PRSS2: variants seen among roughly 807,000 people sequenced by gnomAD.
PRSS2 encodes the protein trypsin-2.
PRSS2 carries 19 observed loss-of-function variants against 19.2 expected under a neutral mutation model. The observed-to-expected ratio is 0.99, with a 90% confidence interval of 0.69 to 1.45. The LOEUF (loss-of-function observed/expected upper bound fraction) is 1.45, where lower values mean the gene tolerates loss of function less well. Among genes scored for constraint, PRSS2 ranks in the 40% most tolerant of loss-of-function variants. The pLI is 0.00. For missense variants in PRSS2, 288 were observed against 294.4 expected (o/e 0.98, Z 0.16); for synonymous variants, 107 against 117.5 (o/e 0.91, Z 0.58).
chr7:142,773,774 TA>T, intron 3 of PRSS2, 144 bp from the exon 4 acceptor site: 1 of 1,312,526 alleles, frequency 7.6e-7, no homozygotes, highest in Non-Finnish European at 1.1e-6. Context: ...TTCTGGGAAC[TA>T]AAAGCCAGAG....
chr7:142,771,838 C>A (rs796655547), intron 1 of PRSS2, among the ~76,000 whole-genome samples: 728 of 67,782 alleles, frequency 0.011, no homozygotes, highest in African/African-American at 0.017. Flanking sequence ...GAGATCTGAA[C>A]CCCCACAGGG....
At position 142,771,038 on chromosome 7, in the gene PRSS2, T is replaced by G; in HGVS notation, c.40+16T>G. 1 of 540,908 alleles carries G rather than the reference T, an allele frequency of 1.8e-6. No homozygotes were observed. Among genetic ancestry groups the G allele is most frequent in the Non-Finnish European group, 3.3e-6 (1 of 299,386 alleles). The allele number at this position is 540,908 out of a possible 1,614,324, so 33.5% of individuals were successfully genotyped here. A position where few individuals can be genotyped will look rare whatever the true frequency, so the allele number is the denominator to read the frequency against. On this transcript the variant is annotated intron_variant, in intron 1 of 4. Transcript: ENST00000539842. ...GCAGCTGCTGGTGAGTTTCACGCCC[T>G]GCCTCAGGCCTCAACCAACCCTTCC...
At chr7:142,774,328 C>T in intron 4 of PRSS2, 28 bp from the exon 5 acceptor site, 1 of 1,154,960 alleles carries the variant, frequency 8.7e-7, no homozygotes, top group Non-Finnish European at 1.3e-6. Context: ...TCTCTCTCTT[C>T]ATACAACTTG....
Position 142,774,021 on chromosome 7 carries a change from T to C in PRSS2, c.557T>C (p.Val186Ala), listed in dbSNP as rs775507176. 1 of 1,604,568 alleles carries C rather than the reference T, an allele frequency of 6.2e-7. No homozygotes were observed. Among genetic ancestry groups the C allele is most frequent in the Non-Finnish European group, 8.5e-7 (1 of 1,171,340 alleles). Residue 186 changes from valine to alanine, a missense_variant, in exon 4 of 5, where the codon GTG becomes GCG. By Grantham distance (64) the Val-to-Ala change is moderately conservative. Coordinates refer to ENST00000539842, the MANE Select transcript of PRSS2 (RefSeq NM_002770.4). ...AAGATTACCAACAACATGTTCTGTG[T>C]GGGCTTCCTCGAGGGAGGCAAGGAT... Reference protein sequence around the residue: ...PGKITNNMFCVGFLEGGKDSC... With the variant: ...PGKITNNMFCAGFLEGGKDSC...
Position 142,774,389 on chromosome 7 carries a change from G to A in PRSS2, c.625G>A (p.Glu209Lys). 4 of 1,354,994 alleles carry A rather than the reference G, an allele frequency of 3.0e-6. No homozygotes were observed. Among genetic ancestry groups the A allele is most frequent in the Middle Eastern group, 1.8e-4 (1 of 5,434 alleles). The allele number at this position is 1,354,994 out of a possible 1,614,324, so 83.9% of individuals were successfully genotyped here. The change falls in exon 5 of 5, where the codon GAG (glutamate) becomes AAG (lysine). Residue 209 changes from glutamate (E) to lysine (K), a missense_variant. Glu to Lys is a moderately conservative substitution (Grantham distance 56). Coordinates refer to ENST00000539842, the MANE Select transcript of PRSS2 (RefSeq NM_002770.4). ...DSGGPVVSNG[E>K]LQGIVSWGYG... ...TGGTGGCCCTGTGGTCTCCAATGGA[G>A]AGCTCCAAGGAATTGTCTCCTGGGG...
chr7:142,771,536 C>G (rs1466185782), intron 1 of PRSS2, among the ~76,000 whole-genome samples: 1 of 141,590 alleles, frequency 7.1e-6, no homozygotes, highest in African/African-American at 2.7e-5. Context: ...CCAATAATAA[C>G]GTATACCTTT....
intron 2 of PRSS2, chr7:142,772,496 T>A: frequency 1.4e-6 from 1 of 701,142 alleles, no homozygotes; most frequent in Non-Finnish European, 2.6e-6. Flanking sequence ...TTTTGCTGGT[T>A]AGCTACACAT....
Position 142,773,321 on chromosome 7 carries a change from C to A in PRSS2, c.256C>A (p.Gln86Lys), listed in dbSNP as rs1450637176. 3.1e-6 allele frequency: 5 copies of A among 1,613,966 alleles called. No individual in the cohort carries two copies. The highest frequency in any genetic ancestry group is 4.2e-6 in the Non-Finnish European group (5 of 1,179,898). The change falls in exon 3 of 5, where the codon CAG becomes AAG. Residue 86 changes from glutamine to lysine, a missense_variant. Transcript: ENST00000539842. Reference sequence around the variant, plus strand: ...CATCGAAGTCCTGGAGGGGAATGAACAGTTCATCAATGCGGCCAAGATCAT... The same window carrying A: ...CATCGAAGTCCTGGAGGGGAATGAAAAGTTCATCAATGCGGCCAAGATCAT... ...HNIEVLEGNE[Q>K]FINAAKIIRH... is the part of the protein sequence containing the mutation.
At chr7:142,771,736 CT>C (rs1799915665) in intron 1 of PRSS2, among the ~76,000 whole-genome samples, 1 of 46,862 alleles carries the variant, frequency 2.1e-5, no homozygotes, top group Non-Finnish European at 4.3e-5. Flanking sequence ...AGAGAGAAGA[CT>C]TCAGTGCTTG....
rs919033319 is a variant in PRSS2 at position 142,773,407 on chromosome 7, C to T, written c.342C>T (p.Ser114=). 8 of 1,609,044 alleles carry T rather than the reference C, an allele frequency of 5.0e-6. No homozygotes were observed. In the African/African-American group the frequency reaches 8.0e-5, roughly 16 times the overall value. ...ATGACATCCTGCTGATCAAGCTCTC[C>T]TCACCTGCCGTCATCAATTCCCGCG... ...LDNDILLIKL[S]SPAVINSRVS... is the part of the protein sequence containing the mutation. Residue 114 remains serine (S), a synonymous_variant, in exon 3 of 5, where the codon TCC becomes TCT. Transcript: ENST00000539842.
At position 142,772,110 on chromosome 7, in the gene PRSS2, T is replaced by G. The variant is rs548645776; in HGVS notation, c.102T>G (p.Ser34=). 6.2e-7 allele frequency: 1 copy of G among 1,613,852 alleles called. No individual in the cohort carries two copies. Among genetic ancestry groups the G allele is most frequent in the East Asian group, 2.2e-5 (1 of 44,880 alleles). The change falls in exon 2 of 5, where the codon TCT becomes TCG. Residue 34 remains serine (S), a synonymous_variant. Coordinates refer to ENST00000539842, the MANE Select transcript of PRSS2 (RefSeq NM_002770.4). ...GGGGCTACATCTGTGAGGAGAATTCTGTCCCCTACCAGGTGTCCTTGAATT... is the reference window on the plus strand; with the variant it reads ...GGGGCTACATCTGTGAGGAGAATTCGGTCCCCTACCAGGTGTCCTTGAATT... ...IVGGYICEEN[S]VPYQVSLNSG...
chr7:142,774,233 A>C (rs1800250693), intron 4 of PRSS2, 123 bp from the exon 5 acceptor site: 3 of 1,132,184 alleles, frequency 2.6e-6, no homozygotes, highest in African/African-American at 3.0e-5. Flanking sequence ...AGAATGGGCC[A>C]CCGTGAGAAG....
At chr7:142,773,821 A>C (rs1800191226) in intron 3 of PRSS2, 98 bp from the exon 4 acceptor site, 3 of 1,497,582 alleles carry the variant, frequency 2.0e-6, no homozygotes, top group Non-Finnish European at 2.8e-6. Flanking sequence ...AGTCCTCTCC[A>C]GGGGCAGTGT....
intron 1 of PRSS2, 52 bp downstream of exon 1, chr7:142,771,074 C>A: frequency 1.8e-6 from 1 of 555,014 alleles, no homozygotes; most frequent in Non-Finnish European, 3.3e-6. Flanking sequence ...CTGGCAGACA[C>A]ATGCCCTGCC....
rs1161773741 is a variant in PRSS2, at chr7:142,772,144, C to A, written c.136C>A (p.His46Asn). Residue 46 changes from histidine to asparagine, a missense_variant, in exon 2 of 5, where the codon CAC becomes AAC. Physicochemically the swap from His to Asn is moderately conservative, Grantham distance 68. Coordinates refer to ENST00000539842, the MANE Select transcript of PRSS2 (RefSeq NM_002770.4). ...PYQVSLNSGY[H>N]FCGGSLISEQ... ...CCAGGTGTCCTTGAATTCTGGCTAC[C>A]ACTTCTGCGGTGGCTCCCTCATCAG... 2.5e-6 allele frequency: 4 copies of A among 1,613,860 alleles called. No homozygotes were observed. The highest frequency in any genetic ancestry group is 2.5e-6 in the Non-Finnish European group (3 of 1,179,742).
rs1191981892 is a variant in PRSS2, at chr7:142,773,517, G to A, written c.452G>A (p.Gly151Asp). Residue 151 changes from glycine to aspartate, a missense_variant and splice_region_variant, in exon 3 of 5, where the codon GGT becomes GAT. By Grantham distance (94) the Gly-to-Asp change is moderately conservative (BLOSUM62 -1). Transcript: ENST00000539842. The part of the protein sequence containing the change: ...ISGWGNTLSS[G>D]ADYPDELQCL... ...GGCTGGGGCAACACTCTGAGTTCTG[G>A]TGGTGAGTGGGACCCTTTGTCCTTC... 3 of 1,579,538 alleles carry A rather than the reference G, an allele frequency of 1.9e-6. No homozygotes were observed. Among genetic ancestry groups the A allele is most frequent in the South Asian group, 1.1e-5 (1 of 89,782 alleles).
In PRSS2 at chr7:142,773,418, T is replaced by G. The variant is rs943283224; in HGVS notation, c.353T>G (p.Val118Gly). ...CTGATCAAGCTCTCCTCACCTGCCGTCATCAATTCCCGCGTGTCCGCCATC... is the reference window on the plus strand; with the variant it reads ...CTGATCAAGCTCTCCTCACCTGCCGGCATCAATTCCCGCGTGTCCGCCATC... Reference protein sequence around the residue: ...ILLIKLSSPAVINSRVSAISL... With the variant: ...ILLIKLSSPAGINSRVSAISL... Residue 118 changes from valine (V) to glycine (G), a missense_variant, in exon 3 of 5, where the codon GTC (valine) becomes GGC (glycine). Transcript: ENST00000539842. 8.7e-6 allele frequency: 14 copies of G among 1,605,120 alleles called. No homozygotes were observed. The highest frequency in any genetic ancestry group is 1.2e-5 in the Non-Finnish European group (14 of 1,172,134).
intron 2 of PRSS2, chr7:142,772,437 A>G (rs1800010122): frequency 5.2e-6 from 4 of 769,100 alleles, no homozygotes; most frequent in South Asian, 4.4e-5. Flanking sequence ...AAAAGCAGGC[A>G]GGGATGATCT....
In PRSS2 at chr7:142,773,442, T is replaced by A. The variant is rs1200750612; in HGVS notation, c.377T>A (p.Ile126Asn). ...PAVINSRVSA[I>N]SLPTAPPAAG... ...GTCATCAATTCCCGCGTGTCCGCCA[T>A]CTCTCTGCCCACTGCCCCTCCAGCT... is the stretch of plus-strand genomic sequence containing the variant. Residue 126 changes from isoleucine (I) to asparagine (N), a missense_variant, in exon 3 of 5, where the codon ATC (isoleucine) becomes AAC (asparagine). Physicochemically the swap from Ile to Asn is moderately radical, Grantham distance 149. Transcript: ENST00000539842. 4.4e-6 allele frequency: 7 copies of A among 1,601,120 alleles called. No individual in the cohort carries two copies. The Admixed American group carries it at 8.3e-5, about 19-fold the overall frequency.
Sources: allele counts gnomAD v4.1 joint callset (sites outside exome capture counted in the v4.1 genomes callset), GRCh38; gene constraint gnomAD v4.1.1; transcripts MANE v1.5; gene names NCBI Gene and HGNC (gene_info 2026-07-23, HGNC 2026-07-21).